FAM171A1: variants seen among roughly 807,000 people sequenced by gnomAD.
FAM171A1 encodes family with sequence similarity 171 member A1, also known as protein FAM171A1.
Under a neutral mutation model 74.9 loss-of-function variants are expected in FAM171A1, and 23 were observed. The observed-to-expected ratio is 0.31, with a 90% confidence interval of 0.22 to 0.44. The LOEUF is 0.44. FAM171A1 is among the 20% of genes least tolerant of loss of function. The pLI is 1.00. For missense variants in FAM171A1, 1,162 were observed against 1,159.2 expected, an observed-to-expected ratio of 1.00 and a Z score of -0.03; for synonymous variants, 527 against 505.7, an observed-to-expected ratio of 1.04 and a Z score of -0.57.
chr10:15,327,938 T>TAAAAA (rs11438566), intron 1 of FAM171A1, among the ~76,000 whole-genome samples: 1 of 143,234 alleles, frequency 7.0e-6, no homozygotes. Flanking sequence ...AAAATAAAAG[T>TAAAAA]AAAAAAAAAA....
At chr10:15,234,716 G>C (rs888901123) in intron 5 of FAM171A1, among the ~76,000 whole-genome samples, 3 of 151,570 alleles carry the variant, frequency 2.0e-5, no homozygotes, top group African/African-American at 4.8e-5. Flanking sequence ...GCAGTGGCGC[G>C]ATCTTGGCTC....
chr10:15,227,144 C>A (rs946418403), intron 5 of FAM171A1, among the ~76,000 whole-genome samples: 1 of 152,088 alleles, frequency 6.6e-6, no homozygotes, highest in Non-Finnish European at 1.5e-5. Context: ...GGATTACAGG[C>A]ACCTGCCACC....
At position 15,279,982 on chromosome 10, in the gene FAM171A1, G is replaced by A. The variant is rs578161655; in HGVS notation, c.325+3896C>T. 3.3e-5 allele frequency among the ~76,000 whole-genome samples: 5 copies of A among 152,246 alleles called. No homozygotes were observed. The East Asian group carries it at 9.7e-4, about 29-fold the overall frequency. On this transcript the variant is annotated intron_variant, in intron 2 of 7. Transcript: ENST00000378116. ...TGCACCTGTAATCCCAGCTACTTGG[G>A]ATGCTGAGGCAGGAGAATTGCTTGA...
At chr10:15,364,818 C>CG (rs1216968926) in intron 1 of FAM171A1, among the ~76,000 whole-genome samples, 10 of 152,080 alleles carry the variant, frequency 6.6e-5, no homozygotes, top group Admixed American at 6.6e-4. Context: ...ATCTGTGTAG[C>CG]GTCTTCATTC....
chr10:15,326,703 C>T (rs1835559405), intron 1 of FAM171A1, among the ~76,000 whole-genome samples: 1 of 152,128 alleles, frequency 6.6e-6, no homozygotes, highest in Admixed American at 6.5e-5. Flanking sequence ...TCTTGGCTCA[C>T]TGCAGCCTCT....
chr10:15,270,341 C>T (rs749227794), intron 3 of FAM171A1, among the ~76,000 whole-genome samples: 6 of 152,190 alleles, frequency 3.9e-5, no homozygotes, highest in Admixed American at 6.5e-5. Flanking sequence ...GGAGCATCTG[C>T]CATTGCTGAG....
chr10:15,319,398 G>A (rs545522846), intron 1 of FAM171A1, among the ~76,000 whole-genome samples: 4 of 152,284 alleles, frequency 2.6e-5, no homozygotes, highest in African/African-American at 9.6e-5. Flanking sequence ...GGATGGGGGT[G>A]AGGGATAAAA....
chr10:15,333,826 C>A (rs532125243), intron 1 of FAM171A1, among the ~76,000 whole-genome samples: 2 of 151,412 alleles, frequency 1.3e-5, no homozygotes, highest in East Asian at 3.9e-4. Flanking sequence ...AGAGTGAGAC[C>A]GTGTCTCAAA....
chr10:15,279,087 T>C (rs758223032), intron 2 of FAM171A1, among the ~76,000 whole-genome samples: 24 of 152,278 alleles, frequency 1.6e-4, no homozygotes, highest in Non-Finnish European at 2.8e-4. Flanking sequence ...TACAAGGCCC[T>C]GACCACCTCT....
chr10:15,282,739 T>A (rs1274747123), intron 2 of FAM171A1, among the ~76,000 whole-genome samples: 1 of 152,030 alleles, frequency 6.6e-6, no homozygotes, highest in Non-Finnish European at 1.5e-5. Flanking sequence ...TGAGACAGGG[T>A]CTTCCTCTGT....
chr10:15,247,260 G>A (rs1834446224), intron 5 of FAM171A1, among the ~76,000 whole-genome samples: 1 of 152,164 alleles, frequency 6.6e-6, no homozygotes, highest in Non-Finnish European at 1.5e-5. Flanking sequence ...GTATTTTTAT[G>A]TATATATTAT....
chr10:15,363,794 A>G (rs953528682), intron 1 of FAM171A1, among the ~76,000 whole-genome samples: 2 of 152,178 alleles, frequency 1.3e-5, no homozygotes, highest in Admixed American at 1.3e-4. Flanking sequence ...TTTTGCTCCC[A>G]AATGAGATGG....
chr10:15,353,036 A>T (rs906043004), intron 1 of FAM171A1, among the ~76,000 whole-genome samples: 4 of 152,352 alleles, frequency 2.6e-5, no homozygotes, highest in African/African-American at 9.6e-5. Flanking sequence ...GCTCCGGCAG[A>T]TGGGCTACAA....
At chr10:15,221,233 C>A (rs1834035778) in intron 5 of FAM171A1, among the ~76,000 whole-genome samples, 173 bp from the exon 6 acceptor site, 1 of 152,228 alleles carries the variant, frequency 6.6e-6, no homozygotes, top group Admixed American at 6.5e-5. Context: ...TGGAGAAATT[C>A]TTTTCAATTT....
intron 5 of FAM171A1, among the ~76,000 whole-genome samples, chr10:15,244,844 A>G (rs912132923): frequency 3.9e-5 from 6 of 152,142 alleles, no homozygotes; most frequent in African/African-American, 9.7e-5. Context: ...AACGTGCACA[A>G]TGTGCTCAGG....
intron 1 of FAM171A1, among the ~76,000 whole-genome samples, chr10:15,327,892 C>T (rs1335173634): frequency 1.3e-5 from 2 of 150,830 alleles, no homozygotes; most frequent in East Asian, 3.9e-4. Flanking sequence ...CACAATTTAC[C>T]CATATCACAA....
intron 3 of FAM171A1, among the ~76,000 whole-genome samples, chr10:15,264,516 C>G (rs1834711841): frequency 6.6e-6 from 1 of 151,676 alleles, no homozygotes; most frequent in South Asian, 2.1e-4. Context: ...GTAGACAATA[C>G]AAATACATCG....
intron 4 of FAM171A1, among the ~76,000 whole-genome samples, chr10:15,251,884 G>A (rs1182453887): frequency 2.6e-5 from 4 of 152,170 alleles, no homozygotes; most frequent in African/African-American, 9.7e-5. Context: ...CAGGTGTCAG[G>A]CAAATGCAGC....
At chr10:15,372,066 G>C (rs555918746), upstream of FAM171A1, among the ~76,000 whole-genome samples, 2 of 152,258 alleles carry the variant, frequency 1.3e-5, no homozygotes, top group South Asian at 2.1e-4. Flanking sequence ...AGGACAGGGC[G>C]GATGGGGAAG....
Sources: gnomAD v4.1 joint callset for allele counts (sites outside exome capture counted in the v4.1 genomes callset) on GRCh38, gnomAD v4.1.1 for gene constraint, MANE v1.5 for transcripts, NCBI Gene and HGNC (gene_info 2026-07-23, HGNC 2026-07-21) for gene names.